GPR63: variants seen among roughly 807,000 people sequenced by gnomAD.
The protein encoded by GPR63 is G protein-coupled receptor 63.
In GPR63, 12 loss-of-function variants were observed where a neutral mutation model predicts 23.1. That is an observed-to-expected ratio of 0.52 (90% CI 0.33 to 0.84). The LOEUF (loss-of-function observed/expected upper bound fraction) is 0.84. GPR63 is among the 40% of genes least tolerant of loss of function. The probability of loss-of-function intolerance (pLI) is 0.02; values close to 1 mark genes in which losing one functional copy is unlikely to be tolerated. For missense variants in GPR63, 472 were observed against 515.6 expected, an observed-to-expected ratio of 0.92 and a Z score of 0.82; for synonymous variants, 172 against 191.1, an observed-to-expected ratio of 0.90 and a Z score of 0.82.
chr6:96,819,719 A>C (rs1265249333), intron 1 of GPR63, among the ~76,000 whole-genome samples: 1 of 148,686 alleles, frequency 6.7e-6, no homozygotes, highest in Non-Finnish European at 1.5e-5. Context: ...ACCCAACTAA[A>C]TTGCCAAAAA....
Position 96,796,084 on chromosome 6 carries a change from G to A in GPR63, c.*2388C>T, listed in dbSNP as rs1011788170. On this transcript the variant is annotated 3_prime_UTR_variant, in exon 2 of 2. Coordinates refer to ENST00000229955, the MANE Select transcript of GPR63 (RefSeq NM_030784.4). ...TCCAACATCGGTGCAATTTCCTTAA[G>A]AGCAGAGTTTCCCAGATATTTCATG... 1.3e-5 allele frequency: 2 copies of A among 152,148 alleles called. No homozygotes were observed. The highest frequency in any genetic ancestry group is 4.8e-5 in the African/African-American group (2 of 41,428). The allele number at this position is 152,148 out of a possible 1,614,324, so 9.4% of individuals were successfully genotyped here.
At chr6:96,815,428 G>A (rs1292555438) in intron 1 of GPR63, among the ~76,000 whole-genome samples, 1 of 150,876 alleles carries the variant, frequency 6.6e-6, no homozygotes, top group Non-Finnish European at 1.5e-5. Context: ...GGGAGAGGGA[G>A]AAATGGGGAA....
intron 1 of GPR63, among the ~76,000 whole-genome samples, chr6:96,828,970 C>A (rs1045877043): frequency 6.6e-6 from 1 of 152,022 alleles, no homozygotes; most frequent in African/African-American, 2.4e-5. Context: ...ATTTAAAAAT[C>A]TAAACTTGTA....
At chr6:96,815,816 A>G (rs1774150110) in intron 1 of GPR63, among the ~76,000 whole-genome samples, 1 of 152,240 alleles carries the variant, frequency 6.6e-6, no homozygotes, top group Admixed American at 6.5e-5. Context: ...ATATAAATCA[A>G]TAACTAGACA....
chr6:96,803,881 T>G (rs201974385), intron 1 of GPR63, among the ~76,000 whole-genome samples: 1 of 152,376 alleles, frequency 6.6e-6, no homozygotes, highest in East Asian at 1.9e-4. Context: ...TCGACTAGTC[T>G]TTATTTGCCA....
At chr6:96,826,171 C>CTTTTAACTTTTAACT (rs1774433528) in intron 1 of GPR63, among the ~76,000 whole-genome samples, 1 of 152,052 alleles carries the variant, frequency 6.6e-6, no homozygotes, top group African/African-American at 2.4e-5. Flanking sequence ...AATCTGTGAA[C>CTTTTAACTTTTAACT]CATGGGTGGC....
At chr6:96,836,703 T>G (rs1044436449) in intron 1 of GPR63, among the ~76,000 whole-genome samples, 1 of 152,134 alleles carries the variant, frequency 6.6e-6, no homozygotes, top group Non-Finnish European at 1.5e-5. Flanking sequence ...CAGGGCGACG[T>G]TGAAAACCGG....
At chr6:96,813,426 TGGTCATTCA>T (rs909416835) in intron 1 of GPR63, among the ~76,000 whole-genome samples, 2 of 152,168 alleles carry the variant, frequency 1.3e-5, no homozygotes, top group African/African-American at 2.4e-5. Flanking sequence ...ACTGACCCAG[TGGTCATTCA>T]GGAGCATGTT....
chr6:96,834,077 T>G (rs1197535157), intron 1 of GPR63, among the ~76,000 whole-genome samples: 1 of 152,198 alleles, frequency 6.6e-6, no homozygotes, highest in African/African-American at 2.4e-5. Context: ...GTTTTCTGAA[T>G]CTTCTGTCAT....
chr6:96,800,499 A>AT (rs954123572), intron 1 of GPR63, among the ~76,000 whole-genome samples: 18 of 151,902 alleles, frequency 1.2e-4, no homozygotes, highest in Admixed American at 3.9e-4. Flanking sequence ...TAATTCATCA[A>AT]TTTTTTTCAT....
Position 96,798,514 on chromosome 6 carries a change from A to G in GPR63, c.1218T>C (p.Pro406=). 6.2e-7 allele frequency: 1 copy of G among 1,614,210 alleles called. No homozygotes were observed. Among genetic ancestry groups the G allele is most frequent in the African/African-American group, 1.3e-5 (1 of 75,066 alleles). Residue 406 remains proline (P), a synonymous_variant, in exon 2 of 2, where the codon CCT becomes CCC. Coordinates refer to ENST00000229955, the MANE Select transcript of GPR63 (RefSeq NM_030784.4). ...GTTCCCCACACACATAGACAGCACT[A>G]GGACGTATCCGTCGCTTTGTGTGAC... ...LPGHTKRRIR[P]SAVYVCGEHR... is the part of the protein sequence containing the mutation.
intron 1 of GPR63, among the ~76,000 whole-genome samples, chr6:96,833,797 G>C (rs1232417196): frequency 6.8e-6 from 1 of 147,494 alleles, no homozygotes; most frequent in Non-Finnish European, 1.5e-5. Context: ...TATGCCAGGT[G>C]ATTGGTACAG....
intron 1 of GPR63, among the ~76,000 whole-genome samples, chr6:96,835,612 T>A (rs1282824614): frequency 6.6e-6 from 1 of 152,078 alleles, no homozygotes; most frequent in African/African-American, 2.4e-5. Context: ...TACATAGGGG[T>A]TTTAGTTATG....
At chr6:96,803,598 C>T (rs1773825531) in intron 1 of GPR63, among the ~76,000 whole-genome samples, 1 of 152,176 alleles carries the variant, frequency 6.6e-6, no homozygotes, top group African/African-American at 2.4e-5. Context: ...TGTAAATATT[C>T]CCTGGCCTTC....
intron 1 of GPR63, among the ~76,000 whole-genome samples, chr6:96,834,831 C>T (rs1774681764): frequency 6.6e-6 from 1 of 152,122 alleles, no homozygotes; most frequent in South Asian, 2.1e-4. Context: ...TTTTTCCAAG[C>T]ATTAATGGGT....
At chr6:96,834,350 A>G (rs1367616011) in intron 1 of GPR63, among the ~76,000 whole-genome samples, 3 of 152,210 alleles carry the variant, frequency 2.0e-5, no homozygotes, top group Admixed American at 6.5e-5. Flanking sequence ...AATTGAGGGC[A>G]CATCTAACCT....
At chr6:96,815,934 G>A (rs1774152425) in intron 1 of GPR63, among the ~76,000 whole-genome samples, 2 of 152,070 alleles carry the variant, frequency 1.3e-5, no homozygotes, top group South Asian at 4.1e-4. Flanking sequence ...TCCGCTTCAT[G>A]TTAATATGAC....
At position 96,798,749 on chromosome 6, in the gene GPR63, G is replaced by A; in HGVS notation, c.983C>T (p.Ala328Val). The A allele has an allele frequency of 6.2e-7, 1 of 1,614,160 alleles. No homozygotes were observed. Among genetic ancestry groups the A allele is most frequent in the East Asian group, 2.2e-5 (1 of 44,886 alleles). ...ILFAVFIVCW[A>V]PFTTYSLVAT... Reference sequence around the variant, plus strand: ...CACAAGGCTGTAAGTGGTGAATGGGGCCCAGCAGACAATGAAGACAGCAAA... The same window carrying A: ...CACAAGGCTGTAAGTGGTGAATGGGACCCAGCAGACAATGAAGACAGCAAA... Residue 328 changes from alanine (A) to valine (V), a missense_variant, in exon 2 of 2, where the codon GCC (alanine) becomes GTC (valine). Coordinates refer to ENST00000229955, the MANE Select transcript of GPR63 (RefSeq NM_030784.4).
intron 1 of GPR63, among the ~76,000 whole-genome samples, chr6:96,831,821 G>A (rs1774589532): frequency 6.6e-6 from 1 of 151,844 alleles, no homozygotes; most frequent in South Asian, 2.1e-4. Context: ...CATGAGAATC[G>A]CTTGAACCCG....
Sources: gnomAD v4.1 joint callset for allele counts (sites outside exome capture counted in the v4.1 genomes callset) on GRCh38, gnomAD v4.1.1 for gene constraint, MANE v1.5 for transcripts, NCBI Gene and HGNC (gene_info 2026-07-23, HGNC 2026-07-21) for gene names.